Variants in CADM2 observed in about 807,000 individuals in gnomAD.
CADM2 encodes the protein immunoglobulin superfamily member 4D.
In CADM2, 12 loss-of-function variants were observed where a neutral mutation model predicts 49.8. That is an observed-to-expected ratio of 0.24 (90% confidence interval 0.15 to 0.39). The LOEUF is 0.39. CADM2 is among the 10% of genes least tolerant of loss of function. The pLI, the probability that CADM2 is intolerant of heterozygous loss-of-function variation, is 1.00. For synonymous variants in CADM2, 214 were observed against 175.4 expected (o/e 1.22, Z -1.74); for missense variants, 378 against 492.3 (o/e 0.77, Z 2.20).
intron 1 of CADM2, among the ~76,000 whole-genome samples, chr3:85,669,867 T>G (rs2065683479): frequency 6.6e-6 from 1 of 152,284 alleles, no homozygotes; most frequent in East Asian, 1.9e-4. Flanking sequence ...CTTCTTTTTA[T>G]TGTTGTCGTT....
chr3:85,566,151 C>G (rs2062247938), intron 1 of CADM2, among the ~76,000 whole-genome samples: 1 of 152,186 alleles, frequency 6.6e-6, no homozygotes, highest in Non-Finnish European at 1.5e-5. Context: ...CTGCAAATGG[C>G]TAGCAAATCC....
intron 1 of CADM2, among the ~76,000 whole-genome samples, chr3:85,505,755 CAA>C (rs955762929): frequency 1.3e-5 from 2 of 152,110 alleles, no homozygotes; most frequent in Non-Finnish European, 2.9e-5. Context: ...ATTAATTGAT[CAA>C]GAGTGTTGTA....
intron 1 of CADM2, among the ~76,000 whole-genome samples, chr3:85,318,830 T>C (rs2044531870): frequency 6.6e-6 from 1 of 152,182 alleles, no homozygotes; most frequent in Non-Finnish European, 1.5e-5. Context: ...ACTGTAAGTT[T>C]CCATTAAAAT....
intron 1 of CADM2, among the ~76,000 whole-genome samples, chr3:85,647,023 C>T (rs867337241): frequency 1.8e-4 from 27 of 151,606 alleles, no homozygotes; most frequent in African/African-American, 5.8e-4. Flanking sequence ...ATTTTTTGAA[C>T]GTAACTTGGA....
intron 1 of CADM2, among the ~76,000 whole-genome samples, chr3:85,418,995 A>G (rs1317308214): frequency 6.6e-6 from 1 of 152,118 alleles, no homozygotes; most frequent in Non-Finnish European, 1.5e-5. Flanking sequence ...AGGGTTGGGA[A>G]CAGAAAGTTC....
At chr3:85,922,530 G>A (rs1183714507) in intron 6 of CADM2, among the ~76,000 whole-genome samples, 1 of 151,372 alleles carries the variant, frequency 6.6e-6, no homozygotes, top group African/African-American at 2.4e-5. Flanking sequence ...TATTTCTCTG[G>A]CTTTAATGGT....
chr3:85,543,599 T>C (rs2061600824), intron 1 of CADM2, among the ~76,000 whole-genome samples: 1 of 152,112 alleles, frequency 6.6e-6, no homozygotes, highest in African/African-American at 2.4e-5. Flanking sequence ...CTAGAACTCT[T>C]TATCCATTTT....
chr3:85,332,888 T>G (rs2044970283), intron 1 of CADM2, among the ~76,000 whole-genome samples: 1 of 152,042 alleles, frequency 6.6e-6, no homozygotes, highest in South Asian at 2.1e-4. Context: ...CAGTAGTTTG[T>G]TGATAAATAT....
At chr3:85,098,454 T>C (rs1005208638) in intron 1 of CADM2, among the ~76,000 whole-genome samples, 11 of 152,106 alleles carry the variant, frequency 7.2e-5, no homozygotes, top group African/African-American at 2.7e-4. Context: ...TGAACCTTAG[T>C]TTCAAAATCA....
At chr3:85,790,397 CA>C (rs2071253186) in intron 2 of CADM2, among the ~76,000 whole-genome samples, 1 of 152,158 alleles carries the variant, frequency 6.6e-6, no homozygotes, top group African/African-American at 2.4e-5. Flanking sequence ...AAACTGGAAA[CA>C]ATCCAGGGGT....
intron 3 of CADM2, among the ~76,000 whole-genome samples, chr3:85,809,704 C>G (rs868052531): frequency 2.5e-4 from 31 of 126,244 alleles, no homozygotes; most frequent in South Asian, 9.6e-4. Context: ...TCCTTCCTTC[C>G]TTCCTTCCTT....
At chr3:85,152,698 C>T (rs1039266264) in intron 1 of CADM2, among the ~76,000 whole-genome samples, 2 of 152,128 alleles carry the variant, frequency 1.3e-5, no homozygotes, top group African/African-American at 4.8e-5. Flanking sequence ...TGGCTCACGC[C>T]TGTAATCCCA....
chr3:85,253,026 A>C (rs985237519), intron 1 of CADM2, among the ~76,000 whole-genome samples: 2 of 152,132 alleles, frequency 1.3e-5, no homozygotes, highest in Admixed American at 6.6e-5. Context: ...GATTACAGTA[A>C]GTCTTCACAG....
At chr3:85,806,901 C>G (rs1207141858) in intron 3 of CADM2, among the ~76,000 whole-genome samples, 1 of 152,180 alleles carries the variant, frequency 6.6e-6, no homozygotes, top group East Asian at 1.9e-4. Context: ...CAAATTCAAG[C>G]TTTTACAACT....
At chr3:85,034,746 G>T (rs1296868483) in intron 1 of CADM2, among the ~76,000 whole-genome samples, 1 of 144,348 alleles carries the variant, frequency 6.9e-6, no homozygotes, top group Non-Finnish European at 1.5e-5. Flanking sequence ...CCACATACTT[G>T]CCAGGATTTA....
intron 1 of CADM2, among the ~76,000 whole-genome samples, chr3:85,179,965 A>T (rs2040884137): frequency 6.6e-6 from 1 of 152,114 alleles, no homozygotes; most frequent in South Asian, 2.1e-4. Flanking sequence ...TTATATGCAT[A>T]AAAATGCTAC....
intron 1 of CADM2, among the ~76,000 whole-genome samples, chr3:85,541,200 T>G (rs1269886760): frequency 6.6e-6 from 1 of 151,108 alleles, no homozygotes; most frequent in Non-Finnish European, 1.5e-5. Flanking sequence ...ATTAGCCAAT[T>G]TGGCACATAT....
intron 1 of CADM2, among the ~76,000 whole-genome samples, chr3:85,400,409 T>C (rs531982824): frequency 6.6e-6 from 1 of 152,298 alleles, no homozygotes; most frequent in South Asian, 2.1e-4. Flanking sequence ...TCTAAAATTC[T>C]CTTTTTTTGT....
chr3:84,972,658 A>G (rs1421287320), intron 1 of CADM2, among the ~76,000 whole-genome samples: 2 of 152,176 alleles, frequency 1.3e-5, no homozygotes, highest in South Asian at 2.1e-4. Flanking sequence ...TGTGCATTTC[A>G]TGTACATTAA....
Sources: gnomAD v4.1 joint callset for allele counts (sites outside exome capture counted in the v4.1 genomes callset) on GRCh38, gnomAD v4.1.1 for gene constraint, MANE v1.5 for transcripts, NCBI Gene and HGNC (gene_info 2026-07-23, HGNC 2026-07-21) for gene names.